The following TMPRSS15 variants were observed in gnomAD, a reference collection of about 807,000 sequenced individuals.
TMPRSS15 encodes enteropeptidase.
In TMPRSS15, 128 loss-of-function variants were observed where a neutral mutation model predicts 125.3. The observed-to-expected ratio is 1.02, with a 90% CI of 0.89 to 1.18. The LOEUF (loss-of-function observed/expected upper bound fraction) is 1.18, where lower values mean the gene tolerates loss of function less well. TMPRSS15 is among the 50% of genes most tolerant of loss of function. The pLI is 0.00. For missense variants in TMPRSS15, 1,283 were observed against 1,212.7 expected (o/e 1.06, Z -0.86); for synonymous variants, 446 against 423.2 (o/e 1.05, Z -0.66).
At chr21:18,482,853 C>T (rs971444128) in intron 1 of TMPRSS15, among the ~76,000 whole-genome samples, 1 of 151,708 alleles carries the variant, frequency 6.6e-6, no homozygotes, top group Non-Finnish European at 1.5e-5. Flanking sequence ...AGCTTACTTT[C>T]TCTTTCTAAC....
chr21:18,429,901 T>C (rs2076212803), intron 1 of TMPRSS15, among the ~76,000 whole-genome samples: 1 of 152,210 alleles, frequency 6.6e-6, no homozygotes, highest in Non-Finnish European at 1.5e-5. Context: ...TTCACATCCA[T>C]TAAGAATTTT....
intron 1 of TMPRSS15, among the ~76,000 whole-genome samples, chr21:18,440,241 C>T (rs1360354677): frequency 4.6e-5 from 7 of 150,882 alleles, no homozygotes; most frequent in South Asian, 2.1e-4. Context: ...GGCATGGTGG[C>T]GCGCGCCTGT....
chr21:18,354,972 T>C (rs1015267271), intron 8 of TMPRSS15, among the ~76,000 whole-genome samples: 1 of 151,844 alleles, frequency 6.6e-6, no homozygotes, highest in East Asian at 1.9e-4. Flanking sequence ...AACAATGTGA[T>C]ACATACAATG....
chr21:18,297,843 A>G lies in TMPRSS15; in HGVS notation c.2166-14T>C. On this transcript the variant is annotated splice_polypyrimidine_tract_variant and intron_variant, in intron 18 of 24. Transcript: ENST00000284885. The stretch of plus-strand genomic sequence containing the variant: ...GAGTTTCCACTCCTAGAGAAAAAAG[A>G]AAAAAGCATACAGACAAAACAAAAG... 1 of 1,572,024 alleles carries G rather than the reference A, an allele frequency of 6.4e-7. No homozygotes were observed. Among genetic ancestry groups the G allele is most frequent in the Non-Finnish European group, 8.8e-7 (1 of 1,142,000 alleles).
At chr21:18,360,470 T>A (rs1455081367) in intron 7 of TMPRSS15, among the ~76,000 whole-genome samples, 1 of 152,092 alleles carries the variant, frequency 6.6e-6, no homozygotes, top group Non-Finnish European at 1.5e-5. Context: ...TATTTTTAAT[T>A]TTTTGAGGAA....
chr21:18,414,281 T>C (rs2076174889), intron 1 of TMPRSS15, among the ~76,000 whole-genome samples: 1 of 152,160 alleles, frequency 6.6e-6, no homozygotes, highest in Non-Finnish European at 1.5e-5. Context: ...ATCACCATAA[T>C]CAAGGAATAG....
intron 3 of TMPRSS15, among the ~76,000 whole-genome samples, chr21:18,391,865 C>T (rs753586988): frequency 5.9e-5 from 9 of 152,226 alleles, no homozygotes; most frequent in Non-Finnish European, 1.0e-4. Context: ...GCAGAGGTTC[C>T]CAAACTTTAA....
chr21:18,322,673 A>G lies in TMPRSS15; in HGVS notation c.1921+3759T>C, dbSNP rs2075251182. ...CTCATTCATATGTGGGAGCTAAATT[A>G]ATTGATTTCATGAAGATAGTAAATA... On this transcript the variant is annotated intron_variant, in intron 16 of 24. Coordinates refer to ENST00000284885, the MANE Select transcript of TMPRSS15 (RefSeq NM_002772.3). 2.0e-5 allele frequency among the ~76,000 whole-genome samples: 3 copies of G among 152,188 alleles called. No homozygotes were observed. The South Asian group carries it at 6.2e-4, about 32-fold the overall frequency.
At chr21:18,426,937 A>G (rs993311055) in intron 1 of TMPRSS15, among the ~76,000 whole-genome samples, 4 of 152,250 alleles carry the variant, frequency 2.6e-5, no homozygotes, top group African/African-American at 9.6e-5. Flanking sequence ...TTTATGAAAC[A>G]AACACATAAA....
intron 8 of TMPRSS15, among the ~76,000 whole-genome samples, chr21:18,356,202 AAAG>A (rs1468751162): frequency 2.6e-5 from 4 of 151,948 alleles, no homozygotes; most frequent in Admixed American, 6.6e-5. Context: ...GTGAAAGAAG[AAAG>A]AAGTATGATA....
intron 1 of TMPRSS15, among the ~76,000 whole-genome samples, chr21:18,412,203 G>A (rs894715949): frequency 1.1e-4 from 17 of 152,100 alleles, no homozygotes; most frequent in Non-Finnish European, 4.4e-5. Context: ...TAATCCCAGT[G>A]CCCAGAGGTC....
intron 4 of TMPRSS15, among the ~76,000 whole-genome samples, chr21:18,381,182 T>C (rs915311554): frequency 3.9e-5 from 6 of 152,150 alleles, no homozygotes; most frequent in African/African-American, 9.6e-5. Context: ...TTCAAGACTA[T>C]ATTGATGATA....
Position 18,341,477 on chromosome 21 carries a change from C to T in TMPRSS15, c.1500G>A (p.Gly500=). The part of the protein sequence containing the change: ...IALDDISLTY[G]ICNGSLYPEP... ...CTGGATAAAGACTCCCATTGCAAAT[C>T]CCATATGTTAGGCTAATGTCATCCA... The change falls in exon 13 of 25, where the codon GGG becomes GGA. Residue 500 remains glycine, a synonymous_variant. Transcript: ENST00000284885. 1 of 1,614,140 alleles carries T rather than the reference C, an allele frequency of 6.2e-7. No homozygotes were observed. Among genetic ancestry groups the T allele is most frequent in the Non-Finnish European group, 8.5e-7 (1 of 1,180,002 alleles).
intron 24 of TMPRSS15, among the ~76,000 whole-genome samples, chr21:18,272,841 CTATATT>C (rs1488584267): frequency 1.3e-5 from 2 of 152,220 alleles, no homozygotes; most frequent in East Asian, 1.9e-4. Flanking sequence ...TAGTGAGATG[CTATATT>C]TATAAGTAAA....
chr21:18,390,539 C>T (rs573517127), intron 3 of TMPRSS15, among the ~76,000 whole-genome samples: 13 of 152,240 alleles, frequency 8.5e-5, no homozygotes, highest in Admixed American at 1.3e-4. Flanking sequence ...ACATTCTCTG[C>T]CCTAAGAGAG....
chr21:18,433,679 A>AG lies in TMPRSS15; in HGVS notation c.11-35351_11-35350insC, dbSNP rs556489438. 1.5e-3 allele frequency among the ~76,000 whole-genome samples: 226 copies of AG among 151,308 alleles called. 1 individual carries two copies. Among genetic ancestry groups the AG allele is most frequent in the African/African-American group, 4.9e-3 (203 of 41,340 alleles). ...ACCTTGTCTCAAAAAAAAAAAAAAA[A>AG]AAAAAAAGAAAATAACATAGTTTGA... On this transcript the variant is annotated intron_variant, in intron 1 of 7. Transcript: ENST00000422787.
chr21:18,379,496 T>G (rs2075873161), intron 4 of TMPRSS15, among the ~76,000 whole-genome samples, 178 bp from the exon 5 acceptor site: 1 of 152,068 alleles, frequency 6.6e-6, no homozygotes, highest in Non-Finnish European at 1.5e-5. Flanking sequence ...ATCTTTTATG[T>G]TTTTGATGAT....
At chr21:18,408,049 T>G (rs903919955), upstream of TMPRSS15, among the ~76,000 whole-genome samples, 2 of 152,092 alleles carry the variant, frequency 1.3e-5, no homozygotes, top group African/African-American at 4.8e-5. Context: ...TTTTTGAGAC[T>G]CCTAAAGGTG....
chr21:18,328,096 T>C (rs1307821852), intron 15 of TMPRSS15, among the ~76,000 whole-genome samples: 1 of 152,118 alleles, frequency 6.6e-6, no homozygotes, highest in East Asian at 1.9e-4. Flanking sequence ...TTAGATAACA[T>C]ATTAGCTATT....
Sources: allele counts gnomAD v4.1 joint callset (sites outside exome capture counted in the v4.1 genomes callset), GRCh38; gene constraint gnomAD v4.1.1; transcripts MANE v1.5; gene names NCBI Gene and HGNC (gene_info 2026-07-23, HGNC 2026-07-21).